Variants in SIPA1L1 observed in about 807,000 individuals in gnomAD.
SIPA1L1 encodes signal induced proliferation associated 1 like 1.
A neutral mutation model predicts 162.7 loss-of-function variants in SIPA1L1; 26 were observed. That is an observed-to-expected ratio of 0.16 (90% CI 0.12 to 0.22). The LOEUF is 0.22. Ranked by LOEUF, SIPA1L1 falls within the 10% of genes least tolerant of loss-of-function variation. The pLI is 1.00. For missense variants in SIPA1L1, 1,874 were observed against 2,241.0 expected, an observed-to-expected ratio of 0.84 and a Z score of 3.31; for synonymous variants, 829 against 837.4, an observed-to-expected ratio of 0.99 and a Z score of 0.17.
At chr14:71,344,601 C>T (rs2035972163) in intron 2 of SIPA1L1, among the ~76,000 whole-genome samples, 1 of 152,116 alleles carries the variant, frequency 6.6e-6, no homozygotes, top group Admixed American at 6.5e-5. Context: ...AGTCTGTTGC[C>T]CAGGCTGGAA....
intron 2 of SIPA1L1, among the ~76,000 whole-genome samples, chr14:71,384,522 A>G (rs2040163510): frequency 6.6e-6 from 1 of 152,210 alleles, no homozygotes. Context: ...TGCTACACCC[A>G]ATAGAGCCTT....
At chr14:71,429,103 A>C (rs1208813143) in intron 2 of SIPA1L1, among the ~76,000 whole-genome samples, 1 of 152,214 alleles carries the variant, frequency 6.6e-6, no homozygotes, top group Non-Finnish European at 1.5e-5. Context: ...TAATTTAGTA[A>C]TAGTTGCTGA....
chr14:71,679,433 A>G (rs979607351), intron 12 of SIPA1L1, among the ~76,000 whole-genome samples: 3 of 152,248 alleles, frequency 2.0e-5, no homozygotes, highest in African/African-American at 7.2e-5. Context: ...TCCTGAAGGA[A>G]GCACTAAACA....
rs749635256 is a variant in SIPA1L1, at chr14:71,650,409, T to C, written c.1893T>C (p.Asn631=). The C allele has an allele frequency of 1.2e-5, 19 of 1,614,062 alleles. No individual in the cohort carries two copies. In the South Asian group the frequency reaches 2.1e-4, roughly 18 times the overall value. ...GQSTEEEMYN[N]ESAGPAFEEF... Reference sequence around the variant, plus strand: ...GCACTGAAGAAGAGATGTACAACAATGAGTCAGCTGGCCCAGCCTTTGAAG... The same window carrying C: ...GCACTGAAGAAGAGATGTACAACAACGAGTCAGCTGGCCCAGCCTTTGAAG... Residue 631 remains asparagine (N), a synonymous_variant, in exon 8 of 24, where the codon AAT becomes AAC. Coordinates refer to ENST00000381232, the MANE Select transcript of SIPA1L1 (RefSeq NM_001386936.1).
intron 4 of SIPA1L1, among the ~76,000 whole-genome samples, chr14:71,566,364 A>T (rs1027527668): frequency 6.6e-6 from 1 of 152,224 alleles, no homozygotes; most frequent in Non-Finnish European, 1.5e-5. Flanking sequence ...CTAATTTATA[A>T]ATTTGTGCAA....
intron 4 of SIPA1L1, among the ~76,000 whole-genome samples, chr14:71,541,759 T>G (rs1324122627): frequency 6.6e-6 from 1 of 151,992 alleles, no homozygotes; most frequent in Non-Finnish European, 1.5e-5. Flanking sequence ...GGTGACAGAG[T>G]GAAACTCTGT....
intron 2 of SIPA1L1, among the ~76,000 whole-genome samples, chr14:71,401,069 A>T (rs1358580659): frequency 6.6e-6 from 1 of 152,210 alleles, no homozygotes; most frequent in African/African-American, 2.4e-5. Flanking sequence ...GAGCAAAATG[A>T]GAAGAGTATG....
At chr14:71,482,573 G>A (rs1011993142) in intron 2 of SIPA1L1, among the ~76,000 whole-genome samples, 7 of 152,126 alleles carry the variant, frequency 4.6e-5, no homozygotes, top group South Asian at 2.1e-4. Flanking sequence ...GTGTGGAAAC[G>A]CGCCTCATTA....
In SIPA1L1 at chr14:71,326,211, C is replaced by CT. The variant is rs964178060; in HGVS notation, c.-465+5045dup. ...GGTTTTGTGGTTCAGCGACTTGCTT[C>CT]TTTTTTTTTTTTTTTGAGATGGAGT... is the stretch of plus-strand genomic sequence containing the variant. On this transcript the variant is annotated intron_variant, in intron 2 of 23. Transcript: ENST00000381232. 7.1e-3 allele frequency among the ~76,000 whole-genome samples: 1,013 copies of CT among 142,330 alleles called. 10 individuals are homozygous for CT. The highest frequency in any genetic ancestry group is 0.022 in the African/African-American group (868 of 39,006). 93.4% of individuals were successfully genotyped at this position (142,330 alleles called of 152,430 possible).
chr14:71,376,772 C>T (rs143292769), intron 2 of SIPA1L1, among the ~76,000 whole-genome samples: 3 of 152,194 alleles, frequency 2.0e-5, no homozygotes, highest in East Asian at 1.9e-4. Flanking sequence ...TGACTCTTAA[C>T]GAGCATGCTG....
intron 2 of SIPA1L1, among the ~76,000 whole-genome samples, chr14:71,435,645 T>G (rs992263542): frequency 6.6e-6 from 1 of 152,222 alleles, no homozygotes; most frequent in South Asian, 2.1e-4. Context: ...TACGTGTGCA[T>G]GTGTCTTTAT....
chr14:71,320,771 A>G (rs569890859), intron 1 of SIPA1L1, among the ~76,000 whole-genome samples: 1 of 147,356 alleles, frequency 6.8e-6, no homozygotes, highest in African/African-American at 2.5e-5. Flanking sequence ...TGCTTCCCGT[A>G]CTGGCCGCCC....
At chr14:71,670,996 A>AATG in intron 10 of SIPA1L1, 123 bp from the exon 11 acceptor site, 1 of 759,272 alleles carries the variant, frequency 1.3e-6, no homozygotes. Flanking sequence ...GTTGTTTCTC[A>AATG]TGGAAAAATA....
intron 13 of SIPA1L1, among the ~76,000 whole-genome samples, chr14:71,696,476 TGTTACA>T (rs2081638508): frequency 6.6e-6 from 1 of 152,272 alleles, no homozygotes; most frequent in Non-Finnish European, 1.5e-5. Flanking sequence ...ACTTTCAGTC[TGTTACA>T]GTTGCTTTTA....
chr14:71,699,932 C>T (rs1022300291), intron 14 of SIPA1L1, among the ~76,000 whole-genome samples: 4 of 152,196 alleles, frequency 2.6e-5, no homozygotes, highest in African/African-American at 9.7e-5. Flanking sequence ...CTAACTGTGA[C>T]TCTTAAACTA....
intron 17 of SIPA1L1, among the ~76,000 whole-genome samples, chr14:71,719,714 A>C (rs2083545128): frequency 6.6e-6 from 1 of 152,268 alleles, no homozygotes; most frequent in Admixed American, 6.5e-5. Flanking sequence ...GCTGGTCTCA[A>C]ATTCCTGACC....
At chr14:71,353,746 T>TG (rs1375052840) in intron 2 of SIPA1L1, among the ~76,000 whole-genome samples, 8 of 152,088 alleles carry the variant, frequency 5.3e-5, no homozygotes, top group African/African-American at 1.9e-4. Flanking sequence ...ACTCATGGCC[T>TG]GGAACTGGGA....
At position 71,737,229 on chromosome 14, in the gene SIPA1L1, C is replaced by A. The variant is rs1055929410; in HGVS notation, c.5124-1012C>A. Among the ~76,000 whole-genome samples, 5 of 152,188 alleles carry A rather than the reference C, an allele frequency of 3.3e-5. 1 individual carries two copies. The highest frequency in any genetic ancestry group is 7.3e-5 in the Non-Finnish European group (5 of 68,028). The stretch of plus-strand genomic sequence containing the variant: ...ACTTAGGATTAGCAGAAGACATCAA[C>A]ACAGTTCATCTGAGGTCAGGAATTG... On this transcript the variant is annotated intron_variant, in intron 22 of 23. Transcript: ENST00000381232.
At chr14:71,642,075 G>C (rs1212046976) in intron 7 of SIPA1L1, among the ~76,000 whole-genome samples, 1 of 152,210 alleles carries the variant, frequency 6.6e-6, no homozygotes, top group Non-Finnish European at 1.5e-5. Flanking sequence ...CTAAGATTAA[G>C]TAAGAGGGAC....
Sources: allele counts gnomAD v4.1 joint callset (sites outside exome capture counted in the v4.1 genomes callset), GRCh38; gene constraint gnomAD v4.1.1; transcripts MANE v1.5; gene names NCBI Gene and HGNC (gene_info 2026-07-23, HGNC 2026-07-21).